The following STRN variants were observed in gnomAD, a reference collection of about 807,000 sequenced individuals.
The protein encoded by STRN is striatin.
STRN carries 53 observed loss-of-function variants against 96.3 expected under a neutral mutation model. That is an observed-to-expected ratio of 0.55 (90% CI 0.44 to 0.69). The LOEUF is 0.69. STRN is among the 30% of genes least tolerant of loss of function. STRN has a pLI of 0.00. For missense variants in STRN, 987 were observed against 963.9 expected, an observed-to-expected ratio of 1.02 and a Z score of -0.32; for synonymous variants, 428 against 355.9, an observed-to-expected ratio of 1.20 and a Z score of -2.28.
rs918980353 is a variant in STRN, at chr2:36,838,949, T to C, written c.*10507A>G. 2.6e-5 allele frequency among the ~76,000 whole-genome samples: 4 copies of C among 152,180 alleles called. No individual in the cohort carries two copies. Among genetic ancestry groups the C allele is most frequent in the African/African-American group, 7.2e-5 (3 of 41,436 alleles). On this transcript the variant is annotated 3_prime_UTR_variant, in exon 18 of 18. Transcript: ENST00000263918. ...ACGTTAGACTGTATATGTTTACTGATAAATTTGAGAGACCTTTAAAAATTT... is the reference window on the plus strand; with the variant it reads ...ACGTTAGACTGTATATGTTTACTGACAAATTTGAGAGACCTTTAAAAATTT...
intron 2 of STRN, among the ~76,000 whole-genome samples, chr2:36,922,909 T>C (rs1052524972): frequency 2.0e-5 from 3 of 152,162 alleles, no homozygotes; most frequent in African/African-American, 4.8e-5. Flanking sequence ...TTTGGGAGGC[T>C]GAGGCAGGCG....
chr2:36,953,346 T>C (rs1274063569), intron 1 of STRN, among the ~76,000 whole-genome samples: 1 of 152,042 alleles, frequency 6.6e-6, no homozygotes, highest in Non-Finnish European at 1.5e-5. Context: ...TTTTCCTTCT[T>C]CCATATCAAT....
intron 2 of STRN, among the ~76,000 whole-genome samples, chr2:36,922,630 C>G (rs13382481): frequency 6.6e-6 from 1 of 150,384 alleles, no homozygotes; most frequent in African/African-American, 2.5e-5. Context: ...GCCCCCTCTA[C>G]CATTATCCGT....
Position 36,854,719 on chromosome 2 carries a change from A to C in STRN, c.1978+493T>G, listed in dbSNP as rs145523704. Among the ~76,000 whole-genome samples, 345 of 152,274 alleles carry C rather than the reference A, an allele frequency of 2.3e-3. 1 individual carries two copies. The highest frequency in any genetic ancestry group is 3.9e-3 in the Non-Finnish European group (264 of 67,988). ...TGGTTAAGAAAGCCAAAAACCAAAA[A>C]AGAGTCTGTAATATCTTCTTCATAA... On this transcript the variant is annotated intron_variant, in intron 15 of 17. Transcript: ENST00000263918.
chr2:36,947,164 G>A (rs1443128700), intron 1 of STRN, among the ~76,000 whole-genome samples: 5 of 152,014 alleles, frequency 3.3e-5, no homozygotes, highest in African/African-American at 1.2e-4. Flanking sequence ...CCAAAGTTCT[G>A]GGATTACAGG....
In STRN at chr2:36,905,562, G is replaced by C; in HGVS notation, c.469C>G (p.Gln157Glu). ...PQQNSQLMWK[Q>E]GRQLLRQYLQ... ...TACTGTCTGAGTAGTTGTCGACCTT[G>C]TTTCCACATTAACTGGCTGTTTTGT... Residue 157 changes from glutamine to glutamate, a missense_variant, in exon 4 of 18, where the codon CAA (glutamine) becomes GAA (glutamate). Gln to Glu is a conservative substitution (Grantham distance 29). Coordinates refer to ENST00000263918, the MANE Select transcript of STRN (RefSeq NM_003162.4). The C allele has an allele frequency of 6.2e-7, 1 of 1,613,668 alleles. No individual in the cohort carries two copies.
intron 14 of STRN, among the ~76,000 whole-genome samples, chr2:36,857,230 A>C: frequency 6.6e-6 from 1 of 151,966 alleles, no homozygotes; most frequent in Middle Eastern, 3.4e-3. Flanking sequence ...CCTGGATTCT[A>C]TGTCTTGATT....
At chr2:36,903,965 T>C (rs934027883) in intron 4 of STRN, among the ~76,000 whole-genome samples, 3 of 152,180 alleles carry the variant, frequency 2.0e-5, no homozygotes, top group African/African-American at 7.2e-5. Context: ...GCTCTTGCCA[T>C]AGAAAAGCTG....
chr2:36,862,674 T>C (rs1668521786), intron 12 of STRN, among the ~76,000 whole-genome samples: 1 of 152,186 alleles, frequency 6.6e-6, no homozygotes, highest in Admixed American at 6.5e-5. Context: ...TGGCCGCATG[T>C]ATGTCTTCTT....
intron 5 of STRN, among the ~76,000 whole-genome samples, chr2:36,900,366 T>C (rs1202756127): frequency 1.3e-5 from 2 of 152,196 alleles, no homozygotes; most frequent in Non-Finnish European, 2.9e-5. Context: ...TACATAAGTT[T>C]ACACAACTAA....
chr2:36,961,366 A>G (rs547823194), intron 1 of STRN, among the ~76,000 whole-genome samples: 38 of 151,996 alleles, frequency 2.5e-4, no homozygotes, highest in African/African-American at 8.7e-4. Context: ...CTCCTGCCTC[A>G]GCCTCAATCC....
chr2:36,903,065 CT>C (rs767048393), intron 4 of STRN: 6 of 170,846 alleles, frequency 3.5e-5, no homozygotes, highest in Non-Finnish European at 7.4e-5. Flanking sequence ...TGGAGCTAGA[CT>C]ACCAAATCAG....
chr2:36,950,208 G>GTTTTT (rs1338547776), intron 1 of STRN, among the ~76,000 whole-genome samples: 4 of 124,086 alleles, frequency 3.2e-5, no homozygotes, highest in East Asian at 2.9e-4. Flanking sequence ...GGTTGGTTTG[G>GTTTTT]TTTTGTTTTT....
At chr2:36,862,668 C>T (rs924852432) in intron 12 of STRN, among the ~76,000 whole-genome samples, 2 of 151,594 alleles carry the variant, frequency 1.3e-5, no homozygotes, top group Non-Finnish European at 2.9e-5. Context: ...GTCTGTTGGC[C>T]GCATGTATGT....
rs1303359580 is a variant in STRN, at chr2:36,845,495, C to T, written c.*3961G>A. 4 of 152,050 alleles carry T rather than the reference C, an allele frequency of 2.6e-5. No individual in the cohort carries two copies. The highest frequency in any genetic ancestry group is 7.2e-5 in the African/African-American group (3 of 41,404). 9.4% of individuals were successfully genotyped at this position (152,050 alleles called of 1,614,324 possible). ...AGACTATTCTTAGGTGGAATTTTAA[C>T]TAGTTCAGGTATTTAACCTAAAAAT... On this transcript the variant is annotated 3_prime_UTR_variant, in exon 18 of 18. Transcript: ENST00000263918.
intron 10 of STRN, among the ~76,000 whole-genome samples, chr2:36,871,329 G>A (rs1380588887): frequency 6.6e-6 from 1 of 152,118 alleles, no homozygotes; most frequent in Non-Finnish European, 1.5e-5. Flanking sequence ...TCCTATACAG[G>A]TGTACCATTT....
intron 1 of STRN, among the ~76,000 whole-genome samples, chr2:36,938,254 C>T (rs1305455984): frequency 1.3e-5 from 2 of 151,762 alleles, no homozygotes; most frequent in Admixed American, 6.6e-5. Context: ...GGCAAAACAC[C>T]GCCTCTACTA....
At position 36,882,457 on chromosome 2, in the gene STRN, G is replaced by A. The variant is rs116490242; in HGVS notation, c.1186+1475C>T. Among the ~76,000 whole-genome samples the A allele has an allele frequency of 2.3e-3, 345 of 152,192 alleles. 4 individuals are homozygous for A. Among genetic ancestry groups the A allele is most frequent in the African/African-American group, 7.9e-3 (328 of 41,526 alleles). The stretch of plus-strand genomic sequence containing the variant: ...AGCTATTCACTGACTCAATCATCAC[G>A]CACTACAGTCTCAAACTCCTGAACT... On this transcript the variant is annotated intron_variant, in intron 9 of 17. Transcript: ENST00000263918.
chr2:36,852,158 C>T (rs542632657), intron 15 of STRN, among the ~76,000 whole-genome samples: 2 of 152,292 alleles, frequency 1.3e-5, no homozygotes, highest in South Asian at 4.1e-4. Context: ...AAATTGGTTC[C>T]TAAATGATCA....
Sources: allele counts gnomAD v4.1 joint callset (sites outside exome capture counted in the v4.1 genomes callset), GRCh38; gene constraint gnomAD v4.1.1; transcripts MANE v1.5; gene names NCBI Gene and HGNC (gene_info 2026-07-23, HGNC 2026-07-21).